Variants in TTC34 observed in about 807,000 individuals in gnomAD.
TTC34 encodes tetratricopeptide repeat domain 34.
In TTC34, 44 loss-of-function variants were observed where a neutral mutation model predicts 40.7. The observed-to-expected ratio is 1.08, with a 90% confidence interval of 0.85 to 1.39. TTC34 has a LOEUF of 1.39. Among genes scored for constraint, TTC34 ranks in the 40% most tolerant of loss-of-function variants. The pLI is 0.00. For missense variants in TTC34, 884 were observed against 838.0 expected (o/e 1.05, Z -0.68); for synonymous variants, 422 against 398.6 (o/e 1.06, Z -0.70).
At chr1:2,691,513 G>A (rs1389150208) in intron 6 of TTC34, among the ~76,000 whole-genome samples, 3 of 107,546 alleles carry the variant, frequency 2.8e-5, no homozygotes, top group Non-Finnish European at 2.1e-5. Context: ...CCACAGGTGA[G>A]CATCGGAGAG....
chr1:2,760,564 C>A (rs1419682582), intron 6 of TTC34, among the ~76,000 whole-genome samples: 2 of 30,996 alleles, frequency 6.5e-5, no homozygotes, highest in Admixed American at 3.8e-4. Flanking sequence ...AGCACCCACA[C>A]ACCCAGGTCA....
intron 6 of TTC34, among the ~76,000 whole-genome samples, chr1:2,750,711 G>A (rs1641290628): frequency 2.8e-5 from 4 of 140,464 alleles, no homozygotes; most frequent in East Asian, 2.1e-4. Context: ...CCGACAGCCT[G>A]GAGCAGCACC....
At chr1:2,683,130 A>T (rs1274063679) in intron 6 of TTC34, among the ~76,000 whole-genome samples, 2 of 132,518 alleles carry the variant, frequency 1.5e-5, no homozygotes, top group East Asian at 4.4e-4. Flanking sequence ...AGCATTTGAC[A>T]GCCTGGAACA....
intron 6 of TTC34, among the ~76,000 whole-genome samples, chr1:2,686,262 C>T (rs557714920): frequency 9.4e-5 from 14 of 148,580 alleles, no homozygotes; most frequent in East Asian, 2.0e-4. Flanking sequence ...CATCTGACAG[C>T]GTGGAGGAGC....
chr1:2,641,736 T>A, exon 9 of TTC34: 1 of 1,535,276 alleles, frequency 6.5e-7, no homozygotes, highest in Non-Finnish European at 8.7e-7. Flanking sequence ...TCCAGGTCCC[T>A]AAGGGCCCGG....
chr1:2,783,031 C>G (rs1488735287), intron 6 of TTC34, among the ~76,000 whole-genome samples: 1 of 152,224 alleles, frequency 6.6e-6, no homozygotes, highest in Non-Finnish European at 1.5e-5. Flanking sequence ...TGTCTTCTTG[C>G]CATTGCCCCT....
At chr1:2,759,484 G>C (rs1446517249) in intron 6 of TTC34, among the ~76,000 whole-genome samples, 10 of 139,596 alleles carry the variant, frequency 7.2e-5, no homozygotes, top group African/African-American at 2.8e-4. Context: ...CACACCCCCA[G>C]GTGAGCATCG....
In TTC34 at chr1:2,677,815, C is replaced by T. The variant is rs1295005755; in HGVS notation, c.2227-32252G>A. 1.3e-4 allele frequency among the ~76,000 whole-genome samples: 6 copies of T among 44,542 alleles called. No individual in the cohort carries two copies. The East Asian group carries it at 2.0e-3, about 15-fold the overall frequency. 29.2% of individuals were successfully genotyped at this position (44,542 alleles called of 152,430 possible). ...CCGCATCACATGGCATCCTCACACC[C>T]AGTTGCGCATCTGATGGTCTGGAGC... On this transcript the variant is annotated intron_variant, in intron 6 of 8. Coordinates refer to ENST00000401095, the Ensembl canonical transcript of TTC34.
chr1:2,681,095 T>C (rs1309394523), intron 6 of TTC34, among the ~76,000 whole-genome samples: 251 of 26,856 alleles, frequency 9.3e-3, no homozygotes, highest in South Asian at 0.013. Flanking sequence ...CCTAGAGCAG[T>C]GCCCACACCC....
chr1:2,749,757 T>A (rs1164530581), intron 6 of TTC34, among the ~76,000 whole-genome samples: 613 of 6,812 alleles, frequency 0.09, no homozygotes, highest in South Asian at 0.14. Flanking sequence ...CTGGAACAGC[T>A]CCCACACCCC....
intron 6 of TTC34, among the ~76,000 whole-genome samples, chr1:2,683,432 C>CAT (rs1557606617): frequency 2.1e-5 from 1 of 48,456 alleles, no homozygotes; most frequent in Non-Finnish European, 6.0e-5. Flanking sequence ...CCACCCTTCA[C>CAT]CCCCAGGTGA....
chr1:2,644,280 C>A (rs758267296), exon 8 of TTC34: 1 of 1,534,262 alleles, frequency 6.5e-7, no homozygotes, highest in Admixed American at 2.0e-5. Flanking sequence ...AAGGCTCTGC[C>A]GCTCCGAGGC....
chr1:2,692,322 C>G lies in TTC34; in HGVS notation c.2227-46759G>C, dbSNP rs570574716. 1.3e-3 allele frequency among the ~76,000 whole-genome samples: 85 copies of G among 67,100 alleles called. 17 individuals are homozygous for G. The highest frequency in any genetic ancestry group is 4.0e-3 in the African/African-American group (80 of 19,946). The allele number at this position is 67,100 out of a possible 152,430, so 44.0% of individuals were successfully genotyped here. A position where few individuals can be genotyped will look rare whatever the true frequency, so the allele number is the denominator to read the frequency against. ...AGGCACACCCCCAGTGAGCATCTGACAGCCTGGAGCAGCGCCCACACACCG... is the reference window on the plus strand; with the variant it reads ...AGGCACACCCCCAGTGAGCATCTGAGAGCCTGGAGCAGCGCCCACACACCG... On this transcript the variant is annotated intron_variant, in intron 6 of 8. Coordinates refer to ENST00000401095, the Ensembl canonical transcript of TTC34.
chr1:2,693,174 C>T (rs1299909150), intron 6 of TTC34, among the ~76,000 whole-genome samples: 5 of 84,054 alleles, frequency 5.9e-5, no homozygotes, highest in Admixed American at 1.3e-4. Flanking sequence ...CAGCCTGGGT[C>T]CGCACCCACA....
chr1:2,749,861 G>C (rs1641259775), intron 6 of TTC34, among the ~76,000 whole-genome samples: 2 of 119,990 alleles, frequency 1.7e-5, no homozygotes, highest in Non-Finnish European at 3.3e-5. Flanking sequence ...GTGAACATCC[G>C]ACAGCCTGGA....
chr1:2,666,221 C>T (rs1169448551), intron 6 of TTC34, among the ~76,000 whole-genome samples: 1,610 of 72,444 alleles, frequency 0.022, 1 homozygote, highest in Non-Finnish European at 0.036. Flanking sequence ...CCCAGGTGAG[C>T]ATCTGACAGC....
chr1:2,643,796 A>G (rs1000327538), intron 8 of TTC34, among the ~76,000 whole-genome samples: 2 of 152,206 alleles, frequency 1.3e-5, no homozygotes, highest in Admixed American at 6.5e-5. Flanking sequence ...CGCTGGTGTC[A>G]GGAAGCATTA....
At chr1:2,759,558 C>G (rs1641622920) in intron 6 of TTC34, among the ~76,000 whole-genome samples, 3 of 151,942 alleles carry the variant, frequency 2.0e-5, no homozygotes, top group African/African-American at 7.3e-5. Context: ...AGCACCCACA[C>G]TCCCAGACGA....
At chr1:2,641,304 C>A in exon 9 of TTC34, 1 of 1,441,828 alleles carries the variant, frequency 6.9e-7, no homozygotes, top group Non-Finnish European at 9.1e-7. Context: ...ACCCCTGGGC[C>A]TGGACATCAG....
Sources: gnomAD v4.1 joint callset for allele counts (sites outside exome capture counted in the v4.1 genomes callset) on GRCh38, gnomAD v4.1.1 for gene constraint, MANE v1.5 for transcripts, NCBI Gene and HGNC (gene_info 2026-07-23, HGNC 2026-07-21) for gene names.